The following KLHL28 variants were observed in gnomAD, a reference collection of about 807,000 sequenced individuals.
The protein encoded by KLHL28 is kelch like family member 28.
In KLHL28, 22 loss-of-function variants were observed where a neutral mutation model predicts 48.3. The ratio of observed to expected loss-of-function variants is 0.46; its 90% confidence interval spans 0.33 to 0.65. The LOEUF is 0.65. KLHL28 is among the 30% of genes least tolerant of loss of function. The probability of loss-of-function intolerance (pLI) is 0.03; values close to 1 mark genes in which losing one functional copy is unlikely to be tolerated. For synonymous variants in KLHL28, 243 were observed against 242.4 expected (o/e 1.00, Z -0.02); for missense variants, 527 against 704.3 (o/e 0.75, Z 2.85).
chr14:44,945,488 A>G lies in KLHL28; in HGVS notation c.441T>C (p.Tyr147=). The G allele has an allele frequency of 1.2e-6, 2 of 1,614,228 alleles. No individual in the cohort carries two copies. The highest frequency in any genetic ancestry group is 1.7e-6 in the Non-Finnish European group (2 of 1,180,034). Residue 147 remains tyrosine (Y), a synonymous_variant, in exon 2 of 5, where the codon TAT becomes TAC. Coordinates refer to ENST00000396128, the MANE Select transcript of KLHL28 (RefSeq NM_017658.5). ...CTGCCAAATAAAGGTCACGGCAACCATATGTTTCTGCAAAACGAGAAATTC... is the reference window on the plus strand; with the variant it reads ...CTGCCAAATAAAGGTCACGGCAACCGTATGTTTCTGCAAAACGAGAAATTC... ...CIGISRFAET[Y]GCRDLYLAAT...
At chr14:44,935,862 G>A (rs368535199) in intron 2 of KLHL28, among the ~76,000 whole-genome samples, 31 of 58,892 alleles carry the variant, frequency 5.3e-4, no homozygotes, top group Non-Finnish European at 9.9e-4. Context: ...ATGTATGTAT[G>A]TGTATGTGTA....
chr14:44,942,526 A>G (rs988263996), intron 2 of KLHL28, among the ~76,000 whole-genome samples: 1 of 151,970 alleles, frequency 6.6e-6, no homozygotes, highest in Non-Finnish European at 1.5e-5. Context: ...TGCAACCCAC[A>G]TAAAAGTCTT....
At chr14:44,949,239 T>G (rs1346656048) in intron 1 of KLHL28, among the ~76,000 whole-genome samples, 1 of 152,118 alleles carries the variant, frequency 6.6e-6, no homozygotes, top group East Asian at 1.9e-4. Flanking sequence ...TAAAACAAAT[T>G]ATTAAAGATT....
At chr14:44,939,253 C>T (rs566146926) in intron 2 of KLHL28, among the ~76,000 whole-genome samples, 1 of 152,134 alleles carries the variant, frequency 6.6e-6, no homozygotes, top group Non-Finnish European at 1.5e-5. Context: ...ACCATTCTGC[C>T]CTCCTAGTGT....
intron 1 of KLHL28, among the ~76,000 whole-genome samples, chr14:44,955,108 T>C (rs746313441): frequency 3.9e-5 from 6 of 152,014 alleles, no homozygotes; most frequent in Non-Finnish European, 8.8e-5. Flanking sequence ...GGATTCTTGG[T>C]ATGGGAAAAA....
rs933448590 is a variant in KLHL28 at position 44,927,729 on chromosome 14, C to T, written c.*1299G>A. ...TATTACTCAAGTAAACATCGAGTTC[C>T]AGTTTTCCTCAATAACCTTAAAATA... On this transcript the variant is annotated 3_prime_UTR_variant, in exon 5 of 5. Transcript: ENST00000396128. 1.2e-4 allele frequency: 18 copies of T among 152,662 alleles called. No homozygotes were observed. Among genetic ancestry groups the T allele is most frequent in the East Asian group, 9.6e-4 (5 of 5,190 alleles). The allele number at this position is 152,662 out of a possible 1,614,324, so 9.5% of individuals were successfully genotyped here. A position where few individuals can be genotyped will look rare whatever the true frequency, so the allele number is the denominator to read the frequency against.
chr14:44,928,988 C>A lies in KLHL28; in HGVS notation c.*40G>T, dbSNP rs765878115. ...GGGCCATCCGGATGTTCATGCAGTA[C>A]AAGTTTCACCACCATACTATTTCCG... On this transcript the variant is annotated 3_prime_UTR_variant, in exon 5 of 5. Coordinates refer to ENST00000396128, the MANE Select transcript of KLHL28 (RefSeq NM_017658.5). 1.2e-6 allele frequency: 2 copies of A among 1,600,384 alleles called. No individual in the cohort carries two copies. The highest frequency in any genetic ancestry group is 3.4e-5 in the Admixed American group (2 of 59,680).
rs1883468235 is a variant in KLHL28 at position 44,928,829 on chromosome 14, T to C, written c.*199A>G. The C allele has an allele frequency of 2.3e-6, 1 of 427,870 alleles. No homozygotes were observed. The allele number at this position is 427,870 out of a possible 1,614,324, so 26.5% of individuals were successfully genotyped here. On this transcript the variant is annotated 3_prime_UTR_variant, in exon 5 of 5. Coordinates refer to ENST00000396128, the MANE Select transcript of KLHL28 (RefSeq NM_017658.5). The stretch of plus-strand genomic sequence containing the variant: ...TTTTTTTTTTTCTCTTTTTTCTTTT[T>C]GATTATTGATTTACTGTGTAATCAA...
In KLHL28 at chr14:44,934,277, T is replaced by C; in HGVS notation, c.1181A>G (p.Tyr394Cys). 3.1e-6 allele frequency: 5 copies of C among 1,614,180 alleles called. No individual in the cohort carries two copies. Among genetic ancestry groups the C allele is most frequent in the Non-Finnish European group, 4.2e-6 (5 of 1,180,018 alleles). Residue 394 changes from tyrosine (Y) to cysteine (C), a missense_variant, in exon 3 of 5, where the codon TAT becomes TGT. Coordinates refer to ENST00000396128, the MANE Select transcript of KLHL28 (RefSeq NM_017658.5). Reference sequence around the variant, plus strand: ...AGATTGTAAATAAGATTGTCCATCATAACCACCTAAGGCATAAAGTTCTCC... The same window carrying C: ...AGATTGTAAATAAGATTGTCCATCACAACCACCTAAGGCATAAAGTTCTCC... The part of the protein sequence containing the change: ...LAGELYALGG[Y>C]DGQSYLQSVE...
chr14:44,958,345 G>A (rs1884883215), intron 1 of KLHL28, among the ~76,000 whole-genome samples: 1 of 151,292 alleles, frequency 6.6e-6, no homozygotes, highest in Non-Finnish European at 1.5e-5. Flanking sequence ...TATAAATATA[G>A]ATCACACCCA....
At chr14:44,939,980 C>G (rs1300253727) in intron 2 of KLHL28, among the ~76,000 whole-genome samples, 1 of 152,162 alleles carries the variant, frequency 6.6e-6, no homozygotes, top group African/African-American at 2.4e-5. Flanking sequence ...ATACAAAATA[C>G]TGGGTAATTT....
Position 44,961,891 on chromosome 14 carries a change from G to C in KLHL28, c.-46C>G, listed in dbSNP as rs1252406279. On this transcript the variant is annotated 5_prime_UTR_variant, in exon 1 of 5. Coordinates refer to ENST00000396128, the MANE Select transcript of KLHL28 (RefSeq NM_017658.5). ...GGGCAGCGACAGGAGGAGGAACCGC[G>C]GACAACTGGAGCCTGGGCTGGATCC... The C allele has an allele frequency of 6.5e-6, 1 of 152,900 alleles. No individual in the cohort carries two copies. The highest frequency in any genetic ancestry group is 1.5e-5 in the Non-Finnish European group (1 of 68,590). The allele number at this position is 152,900 out of a possible 1,614,324, so 9.5% of individuals were successfully genotyped here.
chr14:44,940,123 C>A (rs1884007705), intron 2 of KLHL28, among the ~76,000 whole-genome samples: 1 of 152,112 alleles, frequency 6.6e-6, no homozygotes, highest in Non-Finnish European at 1.5e-5. Flanking sequence ...GTATGTGAGA[C>A]AAAGAGAAAA....
At position 44,945,158 on chromosome 14, in the gene KLHL28, G is replaced by A. The variant is rs1198398928; in HGVS notation, c.771C>T (p.Ala257=). The change falls in exon 2 of 5, where the codon GCC becomes GCT. Residue 257 remains alanine, a synonymous_variant. Transcript: ENST00000396128. ...DRTCKHLLNE[A]LKYHFMPEHR... ...GTTCAGGCATAAAGTGGTACTTTAG[G>A]GCTTCATTCAAAAGATGTTTACAAG... The A allele has an allele frequency of 6.2e-7, 1 of 1,613,906 alleles. No individual in the cohort carries two copies. The highest frequency in any genetic ancestry group is 1.3e-5 in the African/African-American group (1 of 74,882).
At chr14:44,952,056 T>C (rs1339227369) in intron 1 of KLHL28, among the ~76,000 whole-genome samples, 1 of 152,064 alleles carries the variant, frequency 6.6e-6, no homozygotes, top group Non-Finnish European at 1.5e-5. Context: ...AGAAGGAGTT[T>C]CACCATGTTG....
chr14:44,961,122 T>C (rs1291672656), intron 1 of KLHL28: 6 of 423,056 alleles, frequency 1.4e-5, no homozygotes, highest in Non-Finnish European at 2.6e-5. Context: ...AATTCTCAGT[T>C]CGCCTAAAAT....
chr14:44,944,436 A>G (rs557901085), intron 2 of KLHL28, among the ~76,000 whole-genome samples: 1 of 152,292 alleles, frequency 6.6e-6, no homozygotes, highest in South Asian at 2.1e-4. Context: ...TTGGTCTTTT[A>G]TAGAAAAAGT....
Position 44,934,275 on chromosome 14 carries a change from C to G in KLHL28, c.1183G>C (p.Asp395His), listed in dbSNP as rs1192523165. The stretch of plus-strand genomic sequence containing the variant: ...ACAGATTGTAAATAAGATTGTCCAT[C>G]ATAACCACCTAAGGCATAAAGTTCT... ...AGELYALGGY[D>H]GQSYLQSVEK... The change falls in exon 3 of 5, where the codon GAT becomes CAT. Residue 395 changes from aspartate (D) to histidine (H), a missense_variant. Transcript: ENST00000396128. 1 of 1,614,148 alleles carries G rather than the reference C, an allele frequency of 6.2e-7. No individual in the cohort carries two copies. Among genetic ancestry groups the G allele is most frequent in the Non-Finnish European group, 8.5e-7 (1 of 1,180,030 alleles).
rs1594577530 is a variant in KLHL28, at chr14:44,945,291, C to T, written c.638G>A (p.Arg213His). Residue 213 changes from arginine to histidine, a missense_variant, in exon 2 of 5, where the codon CGC becomes CAC. Physicochemically the swap from Arg to His is conservative, Grantham distance 29 (BLOSUM62 0). Coordinates refer to ENST00000396128, the MANE Select transcript of KLHL28 (RefSeq NM_017658.5). The part of the protein sequence containing the change: ...ESWIKYDVQE[R>H]QKYLAQLLNS... ...TAGTAACTGTGCTAAGTATTTCTGG[C>T]GTTCTTGTACATCATACTTGATCCA... 3 of 1,614,054 alleles carry T rather than the reference C, an allele frequency of 1.9e-6. No individual in the cohort carries two copies. The highest frequency in any genetic ancestry group is 2.5e-6 in the Non-Finnish European group (3 of 1,180,004).
Sources: allele counts gnomAD v4.1 joint callset (sites outside exome capture counted in the v4.1 genomes callset), GRCh38; gene constraint gnomAD v4.1.1; transcripts MANE v1.5; gene names NCBI Gene and HGNC (gene_info 2026-07-23, HGNC 2026-07-21).